IL4R: variants seen among roughly 807,000 people sequenced by gnomAD.
The protein encoded by IL4R is interleukin 4 receptor.
In IL4R, 17 loss-of-function variants were observed where a neutral mutation model predicts 41.5. The ratio of observed to expected loss-of-function variants is 0.41; its 90% CI spans 0.28 to 0.61. IL4R has a LOEUF of 0.61. Among genes scored for constraint, IL4R ranks in the 20% least tolerant of loss-of-function variants. The pLI is 0.31. For missense variants in IL4R, 974 were observed against 1,043.1 expected (o/e 0.93, Z 0.91); for synonymous variants, 402 against 422.9 (o/e 0.95, Z 0.61).
rs114596684 is a variant in IL4R, at chr16:27,338,335, A to T, written c.-18-1851A>T. 7.3e-3 allele frequency among the ~76,000 whole-genome samples: 1,108 copies of T among 151,118 alleles called. 15 individuals are homozygous for T. Among genetic ancestry groups the T allele is most frequent in the African/African-American group, 0.025 (1,041 of 41,150 alleles). Reference sequence around the variant, plus strand: ...CAGGCTCAAACGATCTTCCCACCTCAACCTCCCAAGTAGCTAGGATTACAG... The same window carrying T: ...CAGGCTCAAACGATCTTCCCACCTCTACCTCCCAAGTAGCTAGGATTACAG... On this transcript the variant is annotated intron_variant, in intron 2 of 10. Coordinates refer to ENST00000395762, the MANE Select transcript of IL4R (RefSeq NM_000418.4).
intron 2 of IL4R, among the ~76,000 whole-genome samples, chr16:27,335,850 C>A (rs1003167209): frequency 6.6e-6 from 1 of 152,000 alleles, no homozygotes; most frequent in Non-Finnish European, 1.5e-5. Flanking sequence ...GCATCCTGGA[C>A]GTATAAAGGG....
chr16:27,340,043 C>A (rs1023839300), intron 2 of IL4R, 143 bp from the exon 3 acceptor site: 5 of 602,512 alleles, frequency 8.3e-6, no homozygotes, highest in Non-Finnish European at 1.5e-5. Context: ...GGAGACAGAG[C>A]GAGACTCTGT....
At chr16:27,341,371 A>C (rs573260635) in intron 3 of IL4R, 1 of 595,596 alleles carries the variant, frequency 1.7e-6, no homozygotes, top group African/African-American at 1.9e-5. Flanking sequence ...TAAGCTTGGA[A>C]TATTTATTTG....
chr16:27,345,359 G>A lies in IL4R; in HGVS notation c.361+339G>A, dbSNP rs3024561. 3,327 of 413,624 alleles carry A rather than the reference G, an allele frequency of 8.0e-3. 101 individuals are homozygous for A. The highest frequency in any genetic ancestry group is 0.06 in the African/African-American group (2,963 of 49,190). The allele number at this position is 413,624 out of a possible 1,614,324, so 25.6% of individuals were successfully genotyped here. Reference sequence around the variant, plus strand: ...GAACTGGGAACATTCCTTCCATTCTGTGTCCACTGGTCAGCTGCTGCGGCT... The same window carrying A: ...GAACTGGGAACATTCCTTCCATTCTATGTCCACTGGTCAGCTGCTGCGGCT... On this transcript the variant is annotated intron_variant, in intron 5 of 10. Transcript: ENST00000395762. This position sits in a 1 kb window ranked among gnomAD's most constrained non-coding sequence, Gnocchi z 4.5.
intron 3 of IL4R, 37 bp from the exon 4 acceptor site, chr16:27,342,084 T>G: frequency 1.2e-6 from 2 of 1,609,978 alleles, no homozygotes; most frequent in Middle Eastern, 1.7e-4. Flanking sequence ...ACGCATTGAG[T>G]TCCTGGGCCG....
At chr16:27,342,311 G>T in intron 4 of IL4R, 52 bp downstream of exon 4, 1 of 1,608,966 alleles carries the variant, frequency 6.2e-7, no homozygotes, top group South Asian at 1.1e-5. Flanking sequence ...CAAAGGGTTT[G>T]CCCCAAGAGT....
intron 7 of IL4R, 99 bp downstream of exon 7, chr16:27,352,795 T>C: frequency 8.1e-7 from 1 of 1,241,094 alleles, no homozygotes. Flanking sequence ...TTTTATATCA[T>C]AGGATGCCTC....
At chr16:27,313,810 G>A (rs964939798), upstream of IL4R, 10 of 637,178 alleles carry the variant, frequency 1.6e-5, no homozygotes, top group African/African-American at 1.6e-4. Flanking sequence ...CAGCGACAGG[G>A]GCGCGAGGTG....
chr16:27,348,626 G>A (rs1055752658), intron 6 of IL4R, among the ~76,000 whole-genome samples: 10 of 152,180 alleles, frequency 6.6e-5, no homozygotes, highest in Admixed American at 3.3e-4. Context: ...TTTTCTTGAC[G>A]GTTCTAATAA....
At chr16:27,320,920 G>C (rs2084796360) in intron 1 of IL4R, among the ~76,000 whole-genome samples, 1 of 151,214 alleles carries the variant, frequency 6.6e-6, no homozygotes, top group Admixed American at 6.6e-5. Context: ...ATCTTCCTGA[G>C]ATTTAGCCAA....
intron 1 of IL4R, among the ~76,000 whole-genome samples, chr16:27,319,922 T>C (rs1222996872): frequency 6.6e-6 from 1 of 151,990 alleles, no homozygotes; most frequent in Non-Finnish European, 1.5e-5. Context: ...CAGACTGGAG[T>C]GCAATGGTGC....
In IL4R at chr16:27,340,303, G is replaced by A. The variant is rs780510860; in HGVS notation, c.70+30G>A. ...GTCACCACTTCTCAATCATTCATTT[G>A]TTGGCTATTAATGGCGTGCCAGGGT... On this transcript the variant is annotated intron_variant, in intron 3 of 10. Transcript: ENST00000395762. The A allele has an allele frequency of 2.5e-4, 399 of 1,574,878 alleles. 1 individual carries two copies. The highest frequency in any genetic ancestry group is 2.0e-3 in the Middle Eastern group (12 of 6,018).
intron 1 of IL4R, chr16:27,315,263 A>T: frequency 6.6e-6 from 1 of 152,444 alleles, no homozygotes; most frequent in East Asian, 1.9e-4. Flanking sequence ...TGTCCTGCAC[A>T]TTAGGGCATT....
At chr16:27,326,998 C>G (rs2084973611) in intron 1 of IL4R, among the ~76,000 whole-genome samples, 1 of 152,122 alleles carries the variant, frequency 6.6e-6, no homozygotes. Context: ...TCCTGCCAGC[C>G]CAGCCCAGCT....
intron 6 of IL4R, among the ~76,000 whole-genome samples, chr16:27,352,017 CAG>C (rs1256766401): frequency 6.6e-6 from 1 of 152,186 alleles, no homozygotes; most frequent in Non-Finnish European, 1.5e-5. Flanking sequence ...CCATGAAGGA[CAG>C]AGAGAGATGC....
chr16:27,360,396 T>G (rs1238004594), intron 9 of IL4R, among the ~76,000 whole-genome samples: 1 of 152,178 alleles, frequency 6.6e-6, no homozygotes, highest in African/African-American at 2.4e-5. Flanking sequence ...CCAGGCTTGT[T>G]TACAGAGTGG....
rs138157164 is a variant in IL4R, at chr16:27,337,009, G to A, written c.-18-3177G>A. Among the ~76,000 whole-genome samples, 1,128 of 152,214 alleles carry A rather than the reference G, an allele frequency of 7.4e-3. 15 individuals are homozygous for A. Among genetic ancestry groups the A allele is most frequent in the African/African-American group, 0.025 (1,052 of 41,546 alleles). On this transcript the variant is annotated intron_variant, in intron 2 of 10. Coordinates refer to ENST00000395762, the MANE Select transcript of IL4R (RefSeq NM_000418.4). ...GGAGAATCGCTTGAACCTGGGAGGC[G>A]GAGGTTGCAGTGAGCCGAGATCGCG...
intron 2 of IL4R, among the ~76,000 whole-genome samples, chr16:27,337,455 T>C (rs1231361747): frequency 2.0e-5 from 3 of 152,152 alleles, no homozygotes; most frequent in Non-Finnish European, 4.4e-5. Context: ...GAACAAAGCC[T>C]GGGAGCTGCT....
At chr16:27,358,418 A>G (rs3024657) in intron 8 of IL4R, among the ~76,000 whole-genome samples, 67 of 152,310 alleles carry the variant, frequency 4.4e-4, no homozygotes, top group African/African-American at 1.5e-3. Flanking sequence ...ATGATGCACC[A>G]TGGCCCCAGG....
Sources: allele counts gnomAD v4.1 joint callset (sites outside exome capture counted in the v4.1 genomes callset), GRCh38; gene constraint gnomAD v4.1.1; non-coding constraint Gnocchi (gnomAD v3.1); transcripts MANE v1.5; gene names NCBI Gene and HGNC (gene_info 2026-07-23, HGNC 2026-07-21).